The following RNGTT variants were observed in gnomAD, a reference collection of about 807,000 sequenced individuals.
RNGTT encodes RNA guanylyltransferase and 5'-phosphatase.
Under a neutral mutation model 79.3 loss-of-function variants are expected in RNGTT, and 33 were observed. The observed-to-expected ratio is 0.42, with a 90% CI of 0.32 to 0.56. RNGTT has a LOEUF of 0.56. Ranked by LOEUF, RNGTT falls within the 20% of genes least tolerant of loss-of-function variation. RNGTT has a pLI of 0.17. For synonymous variants in RNGTT, 222 were observed against 235.9 expected, an observed-to-expected ratio of 0.94 and a Z score of 0.54; for missense variants, 497 against 739.1, an observed-to-expected ratio of 0.67 and a Z score of 3.80.
chr6:88,729,999 C>A (rs528994864), intron 13 of RNGTT, among the ~76,000 whole-genome samples: 1 of 152,122 alleles, frequency 6.6e-6, no homozygotes, highest in Non-Finnish European at 1.5e-5. Context: ...GGTGCAGAGG[C>A]TCATAAAAAT....
At chr6:88,616,814 A>C (rs1772243231) in intron 14 of RNGTT, among the ~76,000 whole-genome samples, 1 of 152,158 alleles carries the variant, frequency 6.6e-6, no homozygotes, top group Non-Finnish European at 1.5e-5. Context: ...TACAATTTGC[A>C]ATTATTTTCT....
chr6:88,664,724 C>G (rs947394546), intron 14 of RNGTT, among the ~76,000 whole-genome samples: 1 of 152,118 alleles, frequency 6.6e-6, no homozygotes, highest in African/African-American at 2.4e-5. Context: ...GCAAAAGACC[C>G]CAGACAAGGA....
rs543994336 is a variant in RNGTT at position 88,886,249 on chromosome 6, T to C, written c.896+4246A>G. ...TGAACCCAGCGGGCGGAGCCTGCAG[T>C]AAGCAGAGATCGCGCCACTGTACTC... On this transcript the variant is annotated intron_variant, in intron 8 of 15. Coordinates refer to ENST00000369485, the MANE Select transcript of RNGTT (RefSeq NM_003800.5). Among the ~76,000 whole-genome samples the C allele has an allele frequency of 3.3e-5, 5 of 151,974 alleles. No individual in the cohort carries two copies. In the South Asian group the frequency reaches 1.0e-3, roughly 32 times the overall value.
At chr6:88,783,768 TAGG>T (rs67689580) in intron 12 of RNGTT, among the ~76,000 whole-genome samples, 20,810 of 152,110 alleles carry the variant, frequency 0.14, 1,556 homozygotes, top group Middle Eastern at 0.24. Context: ...CCGTGCAATG[TAGG>T]AGGTTTAACA....
chr6:88,908,118 T>A (rs2127944232), intron 4 of RNGTT, among the ~76,000 whole-genome samples: 1 of 152,252 alleles, frequency 6.6e-6, no homozygotes, highest in Admixed American at 6.5e-5. Context: ...AGATCAAATA[T>A]AGAAATAAAC....
At chr6:88,776,896 T>A (rs1235880186) in intron 12 of RNGTT, among the ~76,000 whole-genome samples, 1 of 152,184 alleles carries the variant, frequency 6.6e-6, no homozygotes, top group East Asian at 1.9e-4. Context: ...TTGGCTGAGC[T>A]TTTGATGTAA....
chr6:88,836,020 A>ATATATATATATAAGATT (rs1174973610), intron 11 of RNGTT, among the ~76,000 whole-genome samples: 4 of 116,958 alleles, frequency 3.4e-5, no homozygotes, highest in African/African-American at 1.2e-4. Context: ...ACACACACAC[A>ATATATATATATAAGATT]CACATATATA....
At chr6:88,907,518 C>A (rs1783694555) in intron 4 of RNGTT, among the ~76,000 whole-genome samples, 1 of 152,118 alleles carries the variant, frequency 6.6e-6, no homozygotes, top group African/African-American at 2.4e-5. Context: ...TTTCTGAGGC[C>A]TCCCCAGGCA....
chr6:88,840,691 G>A (rs1347197647), intron 11 of RNGTT, among the ~76,000 whole-genome samples: 1 of 152,134 alleles, frequency 6.6e-6, no homozygotes, highest in Non-Finnish European at 1.5e-5. Flanking sequence ...GAGCCACCAC[G>A]CCTAGCAAGA....
At position 88,901,599 on chromosome 6, in the gene RNGTT, C is replaced by T. The variant is rs1025487132; in HGVS notation, c.684+3116G>A. On this transcript the variant is annotated intron_variant, in intron 6 of 15. Transcript: ENST00000369485. ...TCAGCTCACTGCAACCTCCGCCTCC[C>T]GGGTTCAAGCCATTCTCCTGCCTCA... Among the ~76,000 whole-genome samples the T allele has an allele frequency of 2.7e-5, 4 of 148,146 alleles. No homozygotes were observed. In the Admixed American group the frequency reaches 2.7e-4, roughly 10 times the overall value.
At chr6:88,816,761 A>G (rs769999497) in intron 11 of RNGTT, among the ~76,000 whole-genome samples, 14 of 152,200 alleles carry the variant, frequency 9.2e-5, no homozygotes, top group Non-Finnish European at 2.1e-4. Context: ...TATTCTAATT[A>G]TATCTAGAGA....
intron 1 of RNGTT, among the ~76,000 whole-genome samples, chr6:88,962,792 G>T (rs1481789870): frequency 6.6e-6 from 1 of 151,954 alleles, no homozygotes; most frequent in Admixed American, 6.6e-5. Context: ...TTAGCCGGGT[G>T]CGGTGGCAGG....
At chr6:88,890,822 G>C (rs1247896020) in intron 7 of RNGTT, among the ~76,000 whole-genome samples, 1 of 152,034 alleles carries the variant, frequency 6.6e-6, no homozygotes, top group Non-Finnish European at 1.5e-5. Context: ...CCACTGCTAT[G>C]GTATAATCAC....
At chr6:88,700,052 A>C (rs1305724348) in intron 13 of RNGTT, among the ~76,000 whole-genome samples, 1 of 152,168 alleles carries the variant, frequency 6.6e-6, no homozygotes, top group Non-Finnish European at 1.5e-5. Flanking sequence ...ACATTTGAAA[A>C]TGGTTTCAAT....
intron 8 of RNGTT, among the ~76,000 whole-genome samples, chr6:88,860,517 T>C (rs1031644422): frequency 2.0e-5 from 3 of 152,170 alleles, no homozygotes; most frequent in Non-Finnish European, 4.4e-5. Flanking sequence ...AGCAAAGACA[T>C]TGTCAGCAAG....
At chr6:88,659,115 G>C (rs1774089445) in intron 14 of RNGTT, among the ~76,000 whole-genome samples, 1 of 152,186 alleles carries the variant, frequency 6.6e-6, no homozygotes, top group Non-Finnish European at 1.5e-5. Flanking sequence ...AACACATCAA[G>C]GGATTACTCT....
chr6:88,914,917 T>G (rs1247783946), intron 4 of RNGTT, among the ~76,000 whole-genome samples: 1 of 151,872 alleles, frequency 6.6e-6, no homozygotes, highest in Non-Finnish European at 1.5e-5. Flanking sequence ...GGAACTTAAT[T>G]CAACAAGCAA....
At chr6:88,862,891 A>G (rs578230384) in intron 8 of RNGTT, among the ~76,000 whole-genome samples, 6 of 152,338 alleles carry the variant, frequency 3.9e-5, no homozygotes, top group African/African-American at 1.2e-4. Context: ...ATTCGGCAAT[A>G]TAAGAGATTC....
chr6:88,769,683 A>G, intron 13 of RNGTT, 91 bp downstream of exon 13: 1 of 635,478 alleles, frequency 1.6e-6, no homozygotes, highest in Non-Finnish European at 2.7e-6. Context: ...TCTTTAAAGT[A>G]TTGTAAAGTA....
Sources: allele counts gnomAD v4.1 joint callset (sites outside exome capture counted in the v4.1 genomes callset), GRCh38; gene constraint gnomAD v4.1.1; transcripts MANE v1.5; gene names NCBI Gene and HGNC (gene_info 2026-07-23, HGNC 2026-07-21).